DMXL1: variants seen among roughly 807,000 people sequenced by gnomAD.
DMXL1 encodes the protein Dmx like 1.
DMXL1 carries 99 observed loss-of-function variants against 319.2 expected under a neutral mutation model. That is an observed-to-expected ratio of 0.31 (90% CI 0.26 to 0.37). DMXL1 has a LOEUF of 0.37. DMXL1 is among the 10% of genes least tolerant of loss of function. The pLI is 1.00. For synonymous variants in DMXL1, 1,385 were observed against 1,235.2 expected, an observed-to-expected ratio of 1.12 and a Z score of -2.54; for missense variants, 3,745 against 3,595.6, an observed-to-expected ratio of 1.04 and a Z score of -1.06.
At chr5:119,197,208 A>G (rs1323497526) in intron 31 of DMXL1, among the ~76,000 whole-genome samples, 1 of 152,184 alleles carries the variant, frequency 6.6e-6, no homozygotes, top group Non-Finnish European at 1.5e-5. Context: ...AATTAGTCTG[A>G]TACAAATTAA....
In DMXL1 at chr5:119,218,272, A is replaced by G. The variant is rs1482250937; in HGVS notation, c.8013+1285A>G. Among the ~76,000 whole-genome samples, 4 of 152,048 alleles carry G rather than the reference A, an allele frequency of 2.6e-5. No homozygotes were observed. In the East Asian group the frequency reaches 7.7e-4, roughly 29 times the overall value. On this transcript the variant is annotated intron_variant, in intron 35 of 43. Transcript: ENST00000539542. ...CTTTCTTGAAGAAAATATGATTTAAAATAGTCTGTGCTATAAAAGAAACTA... is the reference window on the plus strand; with the variant it reads ...CTTTCTTGAAGAAAATATGATTTAAGATAGTCTGTGCTATAAAAGAAACTA...
Position 119,129,235 on chromosome 5 carries a change from C to A in DMXL1, c.1127C>A (p.Thr376Lys), listed in dbSNP as rs1462396442. The A allele has an allele frequency of 6.2e-7, 1 of 1,611,624 alleles. No homozygotes were observed. The highest frequency in any genetic ancestry group is 1.7e-5 in the Admixed American group (1 of 59,836). ...ATDIPLLPSI[T>K]SLSLNENEEK... ...GACATTCCACTTCTTCCATCTATTA[C>A]ATCTCTGAGTCTAAATGAAAATGAA... is the stretch of plus-strand genomic sequence containing the variant. Residue 376 changes from threonine (T) to lysine (K), a missense_variant, in exon 10 of 44, where the codon ACA (threonine) becomes AAA (lysine). Coordinates refer to ENST00000539542, the MANE Select transcript of DMXL1 (RefSeq NM_001290321.3).
At position 119,237,420 on chromosome 5, in the gene DMXL1, C is replaced by A; in HGVS notation, c.8559+6C>A. ...GCATGCCTAAGCCATACCTGGTAAG[C>A]CAAGAATTTCTACCTTTAAATAAAA... On this transcript the variant is annotated splice_donor_region_variant and intron_variant, in intron 40 of 43. Coordinates refer to ENST00000539542, the MANE Select transcript of DMXL1 (RefSeq NM_001290321.3). 2 of 1,558,456 alleles carry A rather than the reference C, an allele frequency of 1.3e-6. No homozygotes were observed. Among genetic ancestry groups the A allele is most frequent in the Non-Finnish European group, 8.8e-7 (1 of 1,136,840 alleles).
chr5:119,071,734 C>T, intron 1 of DMXL1, 78 bp downstream of exon 1: 2 of 1,341,216 alleles, frequency 1.5e-6, no homozygotes, highest in African/African-American at 3.0e-5. Context: ...CCCAGAACGA[C>T]GGGCAGAGGC....
intron 38 of DMXL1, among the ~76,000 whole-genome samples, chr5:119,229,904 A>G (rs919291203): frequency 6.6e-6 from 1 of 152,196 alleles, no homozygotes; most frequent in South Asian, 2.1e-4. Flanking sequence ...CTTTACTAAC[A>G]GACCCAAATA....
chr5:119,099,783 G>A (rs1210832210), intron 2 of DMXL1, among the ~76,000 whole-genome samples: 2 of 152,112 alleles, frequency 1.3e-5, no homozygotes, highest in South Asian at 2.1e-4. Flanking sequence ...TGGGCAAATC[G>A]CTTGAGACCA....
chr5:119,074,466 G>A lies in DMXL1; in HGVS notation c.87+2810G>A, dbSNP rs373451767. Among the ~76,000 whole-genome samples, 16 of 152,216 alleles carry A rather than the reference G, an allele frequency of 1.1e-4. No individual in the cohort carries two copies. The East Asian group carries it at 1.2e-3, about 11-fold the overall frequency. ...CTTTGCATGTTTGCAGATAACTTAC[G>A]TGTTCTTGGTTTGAAAGATTACAAG... On this transcript the variant is annotated intron_variant, in intron 1 of 43. Coordinates refer to ENST00000539542, the MANE Select transcript of DMXL1 (RefSeq NM_001290321.3).
At chr5:119,138,222 C>G (rs1368577393) in intron 13 of DMXL1, among the ~76,000 whole-genome samples, 1 of 152,014 alleles carries the variant, frequency 6.6e-6, no homozygotes, top group Non-Finnish European at 1.5e-5. Flanking sequence ...CATTGAATAG[C>G]TATGAATGGA....
chr5:119,220,852 G>A (rs572022675), intron 36 of DMXL1, 88 bp from the exon 37 acceptor site: 1 of 1,461,434 alleles, frequency 6.8e-7, no homozygotes, highest in Non-Finnish European at 9.3e-7. Flanking sequence ...ATTTTAAAGG[G>A]AACTATAAAT....
intron 19 of DMXL1, among the ~76,000 whole-genome samples, chr5:119,164,179 G>T (rs948624792): frequency 6.6e-6 from 1 of 151,286 alleles, no homozygotes; most frequent in Non-Finnish European, 1.5e-5. Context: ...CAGCTTTGAA[G>T]ACAGAAATAT....
At chr5:119,151,238 A>G (rs1407548158) in intron 18 of DMXL1, among the ~76,000 whole-genome samples, 4 of 152,182 alleles carry the variant, frequency 2.6e-5, no homozygotes, top group African/African-American at 7.2e-5. Context: ...ATTTAAAAAA[A>G]AAATACTGCC....
intron 1 of DMXL1, among the ~76,000 whole-genome samples, chr5:119,089,286 A>ATATATG (rs1208271332): frequency 3.9e-5 from 1 of 25,476 alleles, no homozygotes; most frequent in African/African-American, 1.3e-4. Context: ...ACATATATAT[A>ATATATG]TATATATTTT....
chr5:119,085,740 T>G (rs971525815), intron 1 of DMXL1, among the ~76,000 whole-genome samples: 2 of 152,172 alleles, frequency 1.3e-5, no homozygotes, highest in South Asian at 4.1e-4. Context: ...ATAAAAGTGG[T>G]GAAAGTCGGC....
chr5:119,169,029 G>A (rs564542324), intron 23 of DMXL1, among the ~76,000 whole-genome samples: 6 of 152,194 alleles, frequency 3.9e-5, no homozygotes, highest in Non-Finnish European at 7.4e-5. Flanking sequence ...AGCGTCCTGA[G>A]TAGCGGGGAC....
At chr5:119,221,513 A>C (rs1784643212) in intron 37 of DMXL1, among the ~76,000 whole-genome samples, 1 of 152,206 alleles carries the variant, frequency 6.6e-6, no homozygotes, top group Non-Finnish European at 1.5e-5. Flanking sequence ...AATTACATGA[A>C]ACTGGATTTC....
rs1426382927 is a variant in DMXL1 at position 119,170,820 on chromosome 5, C to T, written c.6029C>T (p.Thr2010Ile). Residue 2010 changes from threonine to isoleucine, a missense_variant, in exon 24 of 44, where the codon ACA (threonine) becomes ATA (isoleucine). Physicochemically the swap from Thr to Ile is moderately conservative, Grantham distance 89. Coordinates refer to ENST00000539542, the MANE Select transcript of DMXL1 (RefSeq NM_001290321.3). ...TCTAACTACACAGAATCTTTCAGCA[C>T]ACTAGATGAAAATGACCTTTTAAAT... ...ISSNYTESFS[T>I]LDENDLLNPS... is the part of the protein sequence containing the mutation. 4.0e-5 allele frequency: 64 copies of T among 1,611,052 alleles called. No individual in the cohort carries two copies. The highest frequency in any genetic ancestry group is 5.2e-5 in the Non-Finnish European group (61 of 1,179,374).
At chr5:119,184,704 T>C (rs1777386382) in intron 28 of DMXL1, among the ~76,000 whole-genome samples, 1 of 152,194 alleles carries the variant, frequency 6.6e-6, no homozygotes, top group Non-Finnish European at 1.5e-5. Context: ...TTTGATTACT[T>C]TATATACCTC....
At chr5:119,090,826 A>G (rs937753778) in intron 1 of DMXL1, among the ~76,000 whole-genome samples, 1 of 151,642 alleles carries the variant, frequency 6.6e-6, no homozygotes, top group East Asian at 1.9e-4. Flanking sequence ...TGGCCTCCCA[A>G]AGTGCTGGGA....
rs759272205 is a variant in DMXL1 at position 119,151,929 on chromosome 5, G to T, written c.4595G>T (p.Gly1532Val). 6.2e-7 allele frequency: 1 copy of T among 1,603,798 alleles called. No homozygotes were observed. The highest frequency in any genetic ancestry group is 8.5e-7 in the Non-Finnish European group (1 of 1,171,866). ...TTGCTTCCCCTTTCTCCCATTGCAG[G>T]TGGAGAAACTCTTGATGAATGTGGG... ...DIGESRDRSQ[G>V]GETLDECGLK... is the part of the protein sequence containing the mutation. The change falls in exon 19 of 44, where the codon GGT (glycine) becomes GTT (valine). Residue 1532 changes from glycine (G) to valine (V), a missense_variant and splice_region_variant. Gly to Val is a moderately radical substitution (Grantham distance 109). Coordinates refer to ENST00000539542, the MANE Select transcript of DMXL1 (RefSeq NM_001290321.3).
Sources: gnomAD v4.1 joint callset for allele counts (sites outside exome capture counted in the v4.1 genomes callset) on GRCh38, gnomAD v4.1.1 for gene constraint, MANE v1.5 for transcripts, NCBI Gene and HGNC (gene_info 2026-07-23, HGNC 2026-07-21) for gene names.